NFATC3: variants seen among roughly 807,000 people sequenced by gnomAD.
NFATC3 encodes the protein nuclear factor of activated T-cells, cytoplasmic 3.
Under a neutral mutation model 98.6 loss-of-function variants are expected in NFATC3, and 46 were observed. That is an observed-to-expected ratio of 0.47 (90% CI 0.37 to 0.60). The LOEUF is 0.60. Ranked by LOEUF, NFATC3 falls within the 20% of genes least tolerant of loss-of-function variation. NFATC3 has a pLI of 0.00. For synonymous variants in NFATC3, 512 were observed against 472.2 expected, an observed-to-expected ratio of 1.08 and a Z score of -1.09; for missense variants, 1,256 against 1,295.5, an observed-to-expected ratio of 0.97 and a Z score of 0.47.
intron 6 of NFATC3, among the ~76,000 whole-genome samples, chr16:68,175,288 C>T (rs1262558298): frequency 1.3e-5 from 2 of 152,118 alleles, no homozygotes; most frequent in African/African-American, 4.8e-5. Flanking sequence ...TGAGTGACTG[C>T]TGATGGGAAC....
chr16:68,158,375 A>G (rs926622135), intron 4 of NFATC3, among the ~76,000 whole-genome samples: 5 of 152,164 alleles, frequency 3.3e-5, no homozygotes, highest in African/African-American at 1.2e-4. Context: ...TAAATAAACA[A>G]TTATGATACA....
At chr16:68,109,580 T>G (rs112529313) in intron 1 of NFATC3, among the ~76,000 whole-genome samples, 18,109 of 152,248 alleles carry the variant, frequency 0.12, 1,221 homozygotes, top group South Asian at 0.2. Context: ...AGGATAATGC[T>G]GGCCTCATAA....
intron 3 of NFATC3, among the ~76,000 whole-genome samples, chr16:68,132,412 G>A (rs933674600): frequency 6.6e-6 from 1 of 152,074 alleles, no homozygotes; most frequent in African/African-American, 2.4e-5. Context: ...AAACCCTCAA[G>A]AATAAAAGAA....
At chr16:68,192,230 A>AAAAAATATAT (rs1555522047) in intron 9 of NFATC3, 6 of 82,600 alleles carry the variant, frequency 7.3e-5, no homozygotes, top group African/African-American at 3.4e-4. Context: ...AAAAAAAAAA[A>AAAAAATATAT]ATATATATAT....
intron 1 of NFATC3, among the ~76,000 whole-genome samples, chr16:68,120,619 T>C (rs1449220646): frequency 6.7e-6 from 1 of 149,772 alleles, no homozygotes; most frequent in East Asian, 2.0e-4. Flanking sequence ...GGCGAGTGCC[T>C]GTAGTCCCAG....
At chr16:68,102,692 C>G (rs1162149254) in intron 1 of NFATC3, among the ~76,000 whole-genome samples, 1 of 152,150 alleles carries the variant, frequency 6.6e-6, no homozygotes, top group Admixed American at 6.5e-5. Context: ...AAAACATCAT[C>G]AAGCAGTACC....
intron 5 of NFATC3, among the ~76,000 whole-genome samples, chr16:68,172,980 G>A (rs1451857097): frequency 6.6e-6 from 1 of 152,066 alleles, no homozygotes; most frequent in African/African-American, 2.4e-5. Context: ...TAAATATCTG[G>A]GCCCAGTGGC....
intron 9 of NFATC3, among the ~76,000 whole-genome samples, chr16:68,214,704 G>A (rs1073632): frequency 0.038 from 5,778 of 152,268 alleles, 120 homozygotes; most frequent in Middle Eastern, 0.15. Flanking sequence ...AAGAGGTTTC[G>A]TATCTATGAA....
intron 1 of NFATC3, among the ~76,000 whole-genome samples, chr16:68,109,673 G>T (rs2035843819): frequency 6.6e-6 from 1 of 152,140 alleles, no homozygotes; most frequent in Admixed American, 6.5e-5. Flanking sequence ...TTGTACCTCT[G>T]GTAGAATTCA....
chr16:68,109,166 A>T (rs1221915519), intron 1 of NFATC3, among the ~76,000 whole-genome samples: 3 of 152,208 alleles, frequency 2.0e-5, no homozygotes, highest in Admixed American at 6.5e-5. Context: ...TTCAAGGGGA[A>T]CACTGTCAGC....
intron 5 of NFATC3, among the ~76,000 whole-genome samples, chr16:68,167,810 C>CTTTTTGTTTTTTTTTT (rs2039271630): frequency 4.2e-5 from 1 of 23,898 alleles, no homozygotes; most frequent in Non-Finnish European, 1.1e-4. Flanking sequence ...CGTATGTGTT[C>CTTTTTGTTTTTTTTTT]TTTTTTTTTT....
At chr16:68,099,434 CAAAA>C (rs997913348) in intron 1 of NFATC3, among the ~76,000 whole-genome samples, 2 of 137,814 alleles carry the variant, frequency 1.5e-5, no homozygotes, top group Admixed American at 1.5e-4. Flanking sequence ...GACCCCACCT[CAAAA>C]AAAAAAAAAT....
intron 9 of NFATC3, among the ~76,000 whole-genome samples, chr16:68,197,741 G>C (rs1296359915): frequency 6.6e-6 from 1 of 151,986 alleles, no homozygotes; most frequent in African/African-American, 2.4e-5. Context: ...CACAGGACAC[G>C]GTAATTTAAA....
intron 3 of NFATC3, among the ~76,000 whole-genome samples, chr16:68,157,208 G>C (rs1356117583): frequency 6.6e-6 from 1 of 150,456 alleles, no homozygotes; most frequent in Admixed American, 6.6e-5. Context: ...CTCTGTCTCT[G>C]TCTCTCTCTC....
intron 3 of NFATC3, 114 bp downstream of exon 3, chr16:68,126,724 C>A: frequency 9.9e-7 from 1 of 1,007,020 alleles, no homozygotes; most frequent in Non-Finnish European, 1.4e-6. Flanking sequence ...AACTAGAGAG[C>A]CTCTGTTGTT....
At chr16:68,132,445 G>T (rs1223439936) in intron 3 of NFATC3, among the ~76,000 whole-genome samples, 1 of 152,216 alleles carries the variant, frequency 6.6e-6, no homozygotes, top group Non-Finnish European at 1.5e-5. Context: ...TACACTGCTA[G>T]TGGGAATGTA....
rs1382547393 is a variant in NFATC3 at position 68,183,330 on chromosome 16, A to G, written c.2062A>G (p.Lys688Glu). 1 of 1,613,064 alleles carries G rather than the reference A, an allele frequency of 6.2e-7. No individual in the cohort carries two copies. Among genetic ancestry groups the G allele is most frequent in the South Asian group, 1.1e-5 (1 of 90,996 alleles). The change falls in exon 8 of 10, where the codon AAA becomes GAA. Residue 688 changes from lysine (K) to glutamate (E), a missense_variant. Lys to Glu is a moderately conservative substitution (Grantham distance 56). Transcript: ENST00000346183. The part of the protein sequence containing the change: ...VHFYLCNGKR[K>E]KSQSQRFTYT... ...CTTTTATCTTTGCAATGGCAAGAGG[A>G]AAAAAAGCCAGTCTCAACGTTTTAC...
intron 3 of NFATC3, among the ~76,000 whole-genome samples, chr16:68,154,874 G>C (rs1199275484): frequency 6.6e-6 from 1 of 152,160 alleles, no homozygotes; most frequent in South Asian, 2.1e-4. Context: ...AATGTGGAGG[G>C]AAGCCATTAG....
At chr16:68,216,271 A>G (rs1350608308) in intron 9 of NFATC3, among the ~76,000 whole-genome samples, 1 of 152,216 alleles carries the variant, frequency 6.6e-6, no homozygotes, top group Non-Finnish European at 1.5e-5. Flanking sequence ...GGGATAAAGG[A>G]TTCTTCTGAT....
Sources: gnomAD v4.1 joint callset for allele counts (sites outside exome capture counted in the v4.1 genomes callset) on GRCh38, gnomAD v4.1.1 for gene constraint, MANE v1.5 for transcripts, NCBI Gene and HGNC (gene_info 2026-07-23, HGNC 2026-07-21) for gene names.